Variants in ILDR2 observed in about 807,000 individuals in gnomAD.
ILDR2 encodes immunoglobulin like domain containing receptor 2.
Under a neutral mutation model 66.8 loss-of-function variants are expected in ILDR2, and 25 were observed. The observed-to-expected ratio is 0.37, with a 90% CI of 0.27 to 0.52. The LOEUF (loss-of-function observed/expected upper bound fraction) is 0.52. Ranked by LOEUF, ILDR2 falls within the 20% of genes least tolerant of loss-of-function variation. The pLI, the probability that ILDR2 is intolerant of heterozygous loss-of-function variation, is 0.88. For synonymous variants in ILDR2, 367 were observed against 357.2 expected, an observed-to-expected ratio of 1.03 and a Z score of -0.31; for missense variants, 827 against 876.8, an observed-to-expected ratio of 0.94 and a Z score of 0.72.
chr1:166,936,615 CTGGGCAGCA>C lies in ILDR2; in HGVS notation c.670_678del (p.Cys224_Pro226del). The stretch of plus-strand genomic sequence containing the variant: ...CAGGCTTGAGGGCAGCAGCAGGAAT[CTGGGCAGCA>C]TGGGCAGCGGACATAGCAGCAGCAG... On this transcript the variant is annotated inframe_deletion, in exon 5 of 10. Transcript: ENST00000271417. This position sits in a 1 kb window ranked among gnomAD's most constrained non-coding sequence, Gnocchi z 5.0. The C allele has an allele frequency of 6.2e-7, 1 of 1,614,082 alleles. No individual in the cohort carries two copies. The highest frequency in any genetic ancestry group is 8.5e-7 in the Non-Finnish European group (1 of 1,179,990).
chr1:166,963,305 A>G (rs534230191), intron 1 of ILDR2, among the ~76,000 whole-genome samples: 2 of 152,354 alleles, frequency 1.3e-5, no homozygotes, highest in South Asian at 2.1e-4. Context: ...CTTTTCATGT[A>G]GTATCCTAAT....
At chr1:166,931,959 A>G (rs1290495182) in intron 6 of ILDR2, among the ~76,000 whole-genome samples, 3 of 152,240 alleles carry the variant, frequency 2.0e-5, no homozygotes, top group Non-Finnish European at 4.4e-5. Flanking sequence ...GATATACGGT[A>G]TTGAGGAGCA....
chr1:166,920,326 G>GA (rs1659833659), intron 9 of ILDR2, among the ~76,000 whole-genome samples: 1 of 152,190 alleles, frequency 6.6e-6, no homozygotes, highest in African/African-American at 2.4e-5. Context: ...ATGCATCGAA[G>GA]ATTCTGCACA....
At chr1:166,900,523 T>TA in intron 2 of ILDR2, among the ~76,000 whole-genome samples, 1 of 152,372 alleles carries the variant, frequency 6.6e-6, no homozygotes, top group Admixed American at 6.5e-5. Context: ...ATAATTACAA[T>TA]ATTCTCTAAT....
chr1:166,933,651 T>C (rs1477404731), intron 6 of ILDR2: 7 of 492,244 alleles, frequency 1.4e-5, no homozygotes, highest in Non-Finnish European at 1.6e-5. Context: ...ACAGTTTTAT[T>C]AGATAATCCA....
chr1:166,899,903 T>C (rs974569467), intron 2 of ILDR2, among the ~76,000 whole-genome samples: 1 of 152,192 alleles, frequency 6.6e-6, no homozygotes, highest in African/African-American at 2.4e-5. Flanking sequence ...CAAAGGACAA[T>C]GCAAGGATTG....
chr1:166,904,330 G>A (rs555710190), downstream of ILDR2, among the ~76,000 whole-genome samples: 2 of 152,238 alleles, frequency 1.3e-5, no homozygotes, highest in African/African-American at 4.8e-5. Flanking sequence ...CTCTGAACCT[G>A]CCCCCTGCCA....
intron 7 of ILDR2, among the ~76,000 whole-genome samples, chr1:166,926,558 G>GT: frequency 6.6e-6 from 1 of 151,876 alleles, no homozygotes; most frequent in East Asian, 2.0e-4. Context: ...GTTGGTGGTT[G>GT]TATTATCCAA....
chr1:166,917,680 T>G lies in ILDR2; in HGVS notation c.*1675A>C, dbSNP rs1659695811. 6.6e-6 allele frequency: 1 copy of G among 152,184 alleles called. No individual in the cohort carries two copies. The highest frequency in any genetic ancestry group is 2.4e-5 in the African/African-American group (1 of 41,446). 9.4% of individuals were successfully genotyped at this position (152,184 alleles called of 1,614,324 possible). The stretch of plus-strand genomic sequence containing the variant: ...GACAAGAACGAGTCAGGTTTGTTCT[T>G]AAAGAGAAATGAACATAAAGAATGC... On this transcript the variant is annotated 3_prime_UTR_variant, in exon 10 of 10. Coordinates refer to ENST00000271417, the MANE Select transcript of ILDR2 (RefSeq NM_199351.3).
In ILDR2 at chr1:166,921,220, G is replaced by A. The variant is rs747291181; in HGVS notation, c.1371C>T (p.Phe457=). The A allele has an allele frequency of 1.3e-6, 2 of 1,591,934 alleles. No individual in the cohort carries two copies. The highest frequency in any genetic ancestry group is 1.7e-6 in the Non-Finnish European group (2 of 1,175,112). Residue 457 remains phenylalanine (F), a synonymous_variant, in exon 9 of 10, where the codon TTC becomes TTT. Coordinates refer to ENST00000271417, the MANE Select transcript of ILDR2 (RefSeq NM_199351.3). This position sits in a 1 kb window ranked among gnomAD's most constrained non-coding sequence, Gnocchi z 5.3. ...NSHEARGGSR[F]ERSESRAHSG... is the part of the protein sequence containing the mutation. ...TGTGCGCCCGCGACTCCGAGCGCTC[G>A]AAGCGGCTCCCGCCCCGCGCCTCGT...
downstream of ILDR2, among the ~76,000 whole-genome samples, chr1:166,903,544 G>C (rs989551916): frequency 2.0e-5 from 3 of 152,198 alleles, no homozygotes; most frequent in African/African-American, 4.8e-5. Flanking sequence ...AAGGAAGGCT[G>C]GGAAATTTAG....
At chr1:166,966,314 T>C (rs748921655) in intron 1 of ILDR2, among the ~76,000 whole-genome samples, 31 of 152,208 alleles carry the variant, frequency 2.0e-4, no homozygotes, top group Non-Finnish European at 3.7e-4. Context: ...GTTGTTACCA[T>C]GATATACCTG....
intron 2 of ILDR2, among the ~76,000 whole-genome samples, chr1:166,899,164 G>T (rs1659221149): frequency 4.6e-5 from 7 of 152,148 alleles, no homozygotes; most frequent in Admixed American, 4.6e-4. Flanking sequence ...GGCCAAGGCA[G>T]GTGGATCACC....
chr1:166,956,966 T>A, intron 2 of ILDR2, 114 bp from the exon 3 acceptor site: 1 of 1,061,604 alleles, frequency 9.4e-7, no homozygotes, highest in Non-Finnish European at 1.3e-6. Flanking sequence ...AGTATTTTCT[T>A]TCTTTATCTG....
chr1:166,975,496 G>C lies in ILDR2; in HGVS notation c.-228C>G, dbSNP rs553946193. ...TTCCGGGGTCCGCGCAGCGCTCGGC[G>C]GCGCATCCGCATGCCCAGGCAGCGC... On this transcript the variant is annotated 5_prime_UTR_variant, in exon 1 of 10. Transcript: ENST00000271417. 6.8e-6 allele frequency: 1 copy of C among 146,444 alleles called. No individual in the cohort carries two copies. The highest frequency in any genetic ancestry group is 2.4e-5 in the African/African-American group (1 of 40,822). The allele number at this position is 146,444 out of a possible 1,614,324, so 9.1% of individuals were successfully genotyped here.
At chr1:166,959,442 C>A (rs548649958) in intron 1 of ILDR2, among the ~76,000 whole-genome samples, 1 of 152,252 alleles carries the variant, frequency 6.6e-6, no homozygotes, top group South Asian at 2.1e-4. Flanking sequence ...GAGGAAGTGA[C>A]TTCCCTTCCA....
intron 2 of ILDR2, among the ~76,000 whole-genome samples, chr1:166,900,615 C>G (rs1385416797): frequency 2.0e-5 from 3 of 152,174 alleles, no homozygotes; most frequent in Non-Finnish European, 4.4e-5. Flanking sequence ...GGCTACATAA[C>G]TTGTTTAATT....
intron 7 of ILDR2, among the ~76,000 whole-genome samples, chr1:166,926,517 C>G (rs904322562): frequency 6.6e-6 from 1 of 151,948 alleles, no homozygotes; most frequent in African/African-American, 2.4e-5. Flanking sequence ...CAGACTTGTT[C>G]TTTCACTTTC....
At chr1:166,929,882 T>C (rs1660533679) in intron 6 of ILDR2, among the ~76,000 whole-genome samples, 1 of 152,116 alleles carries the variant, frequency 6.6e-6, no homozygotes, top group South Asian at 2.1e-4. Flanking sequence ...GGTATCATGA[T>C]TATTATTATT....
Sources: gnomAD v4.1 joint callset for allele counts (sites outside exome capture counted in the v4.1 genomes callset) on GRCh38, gnomAD v4.1.1 for gene constraint, Gnocchi (gnomAD v3.1) non-coding constraint, MANE v1.5 for transcripts, NCBI Gene and HGNC (gene_info 2026-07-23, HGNC 2026-07-21) for gene names.